Variants in MBD1 observed in about 807,000 individuals in gnomAD.
The protein encoded by MBD1 is methyl-CpG binding domain protein 1.
Under a neutral mutation model 82.6 loss-of-function variants are expected in MBD1, and 25 were observed. That is an observed-to-expected ratio of 0.30 (90% CI 0.22 to 0.42). The LOEUF (loss-of-function observed/expected upper bound fraction) is 0.42, where lower values mean the gene tolerates loss of function less well. MBD1 is among the 10% of genes least tolerant of loss of function. MBD1 has a pLI of 1.00. For missense variants in MBD1, 627 were observed against 819.6 expected (o/e 0.76, Z 2.87); for synonymous variants, 301 against 303.7 (o/e 0.99, Z 0.09).
chr18:50,278,768 G>A lies in MBD1; in HGVS notation c.110+1115C>T, dbSNP rs554842876. ...GAATACAAAACCATTGCTCCTAGAA[G>A]AAATACAGGGTTAGGTTCCTGAGAG... On this transcript the variant is annotated intron_variant, in intron 2 of 16. Coordinates refer to ENST00000269468, the MANE Select transcript of MBD1 (RefSeq NM_015846.4). Among the ~76,000 whole-genome samples, 8 of 152,292 alleles carry A rather than the reference G, an allele frequency of 5.3e-5. No homozygotes were observed. The South Asian group carries it at 1.5e-3, about 28-fold the overall frequency.
At position 50,274,261 on chromosome 18, in the gene MBD1, G is replaced by A. The variant is rs115570375; in HGVS notation, c.1071C>T (p.Cys357=). 7.4e-6 allele frequency: 12 copies of A among 1,614,120 alleles called. No homozygotes were observed. The highest frequency in any genetic ancestry group is 2.2e-5 in the East Asian group (1 of 44,884). ...TGCTGCCCCCGAATTTGGGCTTGTC[G>A]CAGCAGAAGTCGCAGCGGCCACAGT... ...RMDCGRCDFC[C]DKPKFGGSNQ... The change falls in exon 11 of 17, where the codon TGC becomes TGT. Residue 357 remains cysteine, a synonymous_variant. Transcript: ENST00000269468.
intron 2 of MBD1, among the ~76,000 whole-genome samples, chr18:50,279,469 A>T (rs2039366930): frequency 6.6e-6 from 1 of 152,222 alleles, no homozygotes; most frequent in South Asian, 2.1e-4. Flanking sequence ...CTTCTCACAG[A>T]ACACTAAACA....
At chr18:50,281,541 G>A (rs921021783), upstream of MBD1, 1 of 575,124 alleles carries the variant, frequency 1.7e-6, no homozygotes, top group Non-Finnish European at 3.1e-6. Context: ...GAAGTCCGCT[G>A]CCTGCCTCTC....
chr18:50,273,923 GC>G (rs1164135214), intron 11 of MBD1, 60 bp from the exon 12 acceptor site: 2 of 1,586,970 alleles, frequency 1.3e-6, no homozygotes, highest in Non-Finnish European at 1.7e-6. Flanking sequence ...CATCCACCCT[GC>G]CCGGCTCCAC....
In MBD1 at chr18:50,269,288, G is replaced by A. The variant is rs1467900995; in HGVS notation, c.*563C>T. The A allele has an allele frequency of 2.5e-6, 3 of 1,220,572 alleles. No homozygotes were observed. The Admixed American group carries it at 1.1e-4, about 46-fold the overall frequency. 75.6% of individuals were successfully genotyped at this position (1,220,572 alleles called of 1,614,324 possible). ...TAGTTATATTGAGTTATCCTCAGGT[G>A]AGCAGTGAGACCCTTGGGAGCGGAT... On this transcript the variant is annotated 3_prime_UTR_variant, in exon 17 of 17. Coordinates refer to ENST00000269468, the MANE Select transcript of MBD1 (RefSeq NM_015846.4).
intron 2 of MBD1, among the ~76,000 whole-genome samples, chr18:50,277,856 T>A (rs1530391): frequency 0.88 from 133,980 of 151,950 alleles, 59,368 homozygotes; most frequent in East Asian, 0.97. Context: ...TAATATTATT[T>A]AAAAAAAACC....
intron 2 of MBD1, chr18:50,279,648 A>G: frequency 1.9e-6 from 1 of 515,284 alleles, no homozygotes; most frequent in South Asian, 2.3e-5. Context: ...ATTGAGTGAC[A>G]GTTTTTCACT....
In MBD1 at chr18:50,269,979, A is replaced by C. The variant is rs533147865; in HGVS notation, c.*33-161T>G. The C allele has an allele frequency of 5.1e-6, 8 of 1,583,448 alleles. No individual in the cohort carries two copies. In the East Asian group the frequency reaches 1.6e-4, roughly 31 times the overall value. ...TCTGCTCCTCTGATTGTACCCTAACATAAATGGTCAGCAGAAGCTTAACTC... is the reference window on the plus strand; with the variant it reads ...TCTGCTCCTCTGATTGTACCCTAACCTAAATGGTCAGCAGAAGCTTAACTC... On this transcript the variant is annotated intron_variant, in intron 16 of 16. Transcript: ENST00000269468.
At chr18:50,268,692 C>T (rs946546928), downstream of MBD1, 1 of 159,542 alleles carries the variant, frequency 6.3e-6, no homozygotes, top group Non-Finnish European at 1.3e-5. Context: ...CTTCAGCCAA[C>T]CCCCCGCCCC....
At chr18:50,273,027 C>T (rs2036269641) in intron 13 of MBD1, 72 bp from the exon 14 acceptor site, 1 of 1,570,938 alleles carries the variant, frequency 6.4e-7, no homozygotes, top group Admixed American at 1.7e-5. Context: ...ATCAGCCAAC[C>T]CCTCACTGTG....
chr18:50,278,756 T>C (rs534553539), intron 2 of MBD1, among the ~76,000 whole-genome samples: 14 of 152,344 alleles, frequency 9.2e-5, no homozygotes, highest in African/African-American at 2.6e-4. Context: ...TACAAAACCA[T>C]TGCTCCTAGA....
At chr18:50,276,132 T>C (rs2037785949) in intron 6 of MBD1, 151 bp from the exon 7 acceptor site, 1 of 1,019,524 alleles carries the variant, frequency 9.8e-7, no homozygotes, top group East Asian at 2.6e-5. Context: ...TTAGTCACCA[T>C]CACTGAGGCC....
chr18:50,275,731 G>A lies in MBD1; in HGVS notation c.664-3C>T. 1 of 1,614,220 alleles carries A rather than the reference G, an allele frequency of 6.2e-7. No individual in the cohort carries two copies. Among genetic ancestry groups the A allele is most frequent in the Non-Finnish European group, 8.5e-7 (1 of 1,180,028 alleles). On this transcript the variant is annotated splice_polypyrimidine_tract_variant and splice_region_variant and intron_variant, in intron 7 of 16. Coordinates refer to ENST00000269468, the MANE Select transcript of MBD1 (RefSeq NM_015846.4). Reference sequence around the variant, plus strand: ...CGGCATACTCCACACCCTCGGCTCTGTTGGCGGGGGGCAGGTGGGAGCAGA... The same window carrying A: ...CGGCATACTCCACACCCTCGGCTCTATTGGCGGGGGGCAGGTGGGAGCAGA...
chr18:50,276,781 AC>A (rs752056765), intron 4 of MBD1, 37 bp from the exon 5 acceptor site: 1 of 1,613,886 alleles, frequency 6.2e-7, no homozygotes. Flanking sequence ...CTCCAAGAGC[AC>A]CCCCAATCAC....
rs1404610774 is a variant in MBD1, at chr18:50,279,936, T to G, written c.57A>C (p.Glu19Asp). ...PALGPGWKRR[E>D]VFRKSGATCG... Reference sequence around the variant, plus strand: ...AGGTGGCCCCTGACTTGCGAAAGACTTCGCGGCGCTTCCAGCCAGGGCCCA... The same window carrying G: ...AGGTGGCCCCTGACTTGCGAAAGACGTCGCGGCGCTTCCAGCCAGGGCCCA... The change falls in exon 2 of 17, where the codon GAA (glutamate) becomes GAC (aspartate). Residue 19 changes from glutamate (E) to aspartate (D), a missense_variant. Physicochemically the swap from Glu to Asp is conservative, Grantham distance 45 (BLOSUM62 2). This residue lies in a region of MBD1 where 42 missense variants were observed against 90.4 expected (regional missense o/e 0.46). Coordinates refer to ENST00000269468, the MANE Select transcript of MBD1 (RefSeq NM_015846.4). 6.2e-7 allele frequency: 1 copy of G among 1,613,492 alleles called. No homozygotes were observed. Among genetic ancestry groups the G allele is most frequent in the African/African-American group, 1.3e-5 (1 of 75,048 alleles).
intron 15 of MBD1, 118 bp downstream of exon 15, chr18:50,272,559 G>T: frequency 9.4e-7 from 1 of 1,060,992 alleles, no homozygotes; most frequent in East Asian, 2.4e-5. Context: ...CAGCATAGTG[G>T]GTATGGGCCT....
downstream of MBD1, chr18:50,267,552 T>A: frequency 7.2e-7 from 1 of 1,387,146 alleles, no homozygotes; most frequent in Non-Finnish European, 9.9e-7. Flanking sequence ...AACTGGTTTC[T>A]GAGAATCAGG....
Position 50,274,137 on chromosome 18 carries a change from C to G in MBD1, c.1146+49G>C, listed in dbSNP as rs765478057. 3 of 1,609,080 alleles carry G rather than the reference C, an allele frequency of 1.9e-6. No individual in the cohort carries two copies. In the Admixed American group the frequency reaches 5.0e-5, roughly 27 times the overall value. On this transcript the variant is annotated intron_variant, in intron 11 of 16. Coordinates refer to ENST00000269468, the MANE Select transcript of MBD1 (RefSeq NM_015846.4). The stretch of plus-strand genomic sequence containing the variant: ...TGCCCACCACTTCCAGGCACTGGGG[C>G]GCCTGGCCCAACCTATCCCGTCCAC...
At chr18:50,280,842 A>G (rs1394696320) in intron 1 of MBD1, among the ~76,000 whole-genome samples, 1 of 151,894 alleles carries the variant, frequency 6.6e-6, no homozygotes, top group South Asian at 2.1e-4. Flanking sequence ...CTTATCATCC[A>G]GAGAGACCCT....
Sources: gnomAD v4.1 joint callset for allele counts (sites outside exome capture counted in the v4.1 genomes callset) on GRCh38, gnomAD v4.1.1 for gene constraint, gnomAD v4.1.1 regional missense constraint, MANE v1.5 for transcripts, NCBI Gene and HGNC (gene_info 2026-07-23, HGNC 2026-07-21) for gene names.